ANKRD30A: variants seen among roughly 807,000 people sequenced by gnomAD.
ANKRD30A encodes ankyrin repeat domain 30A, also known as ankyrin repeat domain-containing protein 30A.
Under a neutral mutation model 166.3 loss-of-function variants are expected in ANKRD30A, and 170 were observed. The ratio of observed to expected loss-of-function variants is 1.02; its 90% CI spans 0.90 to 1.16. ANKRD30A has a LOEUF of 1.16. Ranked by LOEUF, ANKRD30A falls within the 50% of genes most tolerant of loss-of-function variation. ANKRD30A has a pLI of 0.00. For missense variants in ANKRD30A, 1,630 were observed against 1,518.0 expected (o/e 1.07, Z -1.23); for synonymous variants, 564 against 508.9 (o/e 1.11, Z -1.46).
intron 27 of ANKRD30A, 100 bp from the exon 28 acceptor site, chr10:37,197,181 T>C (rs555733068): frequency 1.3e-4 from 200 of 1,493,370 alleles, no homozygotes; most frequent in African/African-American, 3.2e-4. Context: ...CATTCTCCAA[T>C]TGGAGCAAGA....
chr10:37,165,710 T>G (rs1839272049), intron 18 of ANKRD30A, among the ~76,000 whole-genome samples: 1 of 152,138 alleles, frequency 6.6e-6, no homozygotes, highest in Admixed American at 6.6e-5. Flanking sequence ...GAGTATTGGT[T>G]GAGTAGTCTT....
chr10:37,166,546 A>T (rs1367924425), intron 18 of ANKRD30A, 59 bp from the exon 19 acceptor site: 4 of 1,414,166 alleles, frequency 2.8e-6, no homozygotes, highest in Non-Finnish European at 3.8e-6. Flanking sequence ...GGAAATTTTG[A>T]TACTCTTCAT....
chr10:37,161,463 T>A (rs1486400969), intron 15 of ANKRD30A, among the ~76,000 whole-genome samples: 1 of 152,084 alleles, frequency 6.6e-6, no homozygotes, highest in Non-Finnish European at 1.5e-5. Flanking sequence ...TGTTTTTATT[T>A]TTTATTTATT....
chr10:37,159,201 T>C (rs757048371), intron 15 of ANKRD30A, among the ~76,000 whole-genome samples: 1 of 152,188 alleles, frequency 6.6e-6, no homozygotes, highest in South Asian at 2.1e-4. Context: ...GTTTTTGCTG[T>C]CATTCCCATG....
intron 5 of ANKRD30A, among the ~76,000 whole-genome samples, chr10:37,136,286 A>G (rs1433856482): frequency 6.6e-6 from 1 of 152,200 alleles, no homozygotes. Context: ...CAACTTGTTC[A>G]AGAAAAAATA....
chr10:37,202,490 G>A lies in ANKRD30A; in HGVS notation c.2869+1165G>A, dbSNP rs189181005. Among the ~76,000 whole-genome samples, 109 of 152,300 alleles carry A rather than the reference G, an allele frequency of 7.2e-4. No homozygotes were observed. The East Asian group carries it at 0.015, about 21-fold the overall frequency. The stretch of plus-strand genomic sequence containing the variant: ...ATCTGTGGGACACATTTAAAGCAGT[G>A]TGTAGAGGGAAATTTATAGCACTAA... On this transcript the variant is annotated intron_variant, in intron 31 of 35. Coordinates refer to ENST00000361713, the MANE Select transcript of ANKRD30A (RefSeq NM_052997.3).
At chr10:37,196,555 G>A (rs954176170) in intron 27 of ANKRD30A, among the ~76,000 whole-genome samples, 6 of 152,088 alleles carry the variant, frequency 3.9e-5, no homozygotes, top group Non-Finnish European at 8.8e-5. Context: ...TGCTTTTTAA[G>A]ATAAATATTG....
chr10:37,202,445 C>G (rs949451718), intron 31 of ANKRD30A, among the ~76,000 whole-genome samples: 1 of 152,108 alleles, frequency 6.6e-6, no homozygotes, highest in African/African-American at 2.4e-5. Flanking sequence ...CCGATGAGAA[C>G]AAAGGCACCA....
At chr10:37,207,039 A>G (rs1842034156) in intron 31 of ANKRD30A, among the ~76,000 whole-genome samples, 1 of 152,116 alleles carries the variant, frequency 6.6e-6, no homozygotes, top group South Asian at 2.1e-4. Flanking sequence ...TGAGTTTTAT[A>G]TGCCCTCTTA....
rs142009612 is a variant in ANKRD30A, at chr10:37,164,805, G to A, written c.2003-289G>A. ...ATGAACAGGAAACCTAGGGCATACT[G>A]TGTTTCACAGGAGAATAGGATATGA... On this transcript the variant is annotated intron_variant, in intron 17 of 35. Transcript: ENST00000361713. Among the ~76,000 whole-genome samples, 1,421 of 152,176 alleles carry A rather than the reference G, an allele frequency of 9.3e-3. 34 individuals are homozygous for A. Among genetic ancestry groups the A allele is most frequent in the African/African-American group, 0.032 (1,344 of 41,516 alleles).
At chr10:37,129,407 A>G (rs983042026) in intron 1 of ANKRD30A, among the ~76,000 whole-genome samples, 1 of 152,214 alleles carries the variant, frequency 6.6e-6, no homozygotes, top group Non-Finnish European at 1.5e-5. Flanking sequence ...CAATGTAGTC[A>G]TAATTGTACC....
intron 29 of ANKRD30A, among the ~76,000 whole-genome samples, chr10:37,199,059 G>A (rs1477354466): frequency 6.6e-6 from 1 of 152,000 alleles, no homozygotes; most frequent in Non-Finnish European, 1.5e-5. Context: ...TTTCTCCAAG[G>A]TGTCACAAGC....
rs182034863 is a variant in ANKRD30A at position 37,162,344 on chromosome 10, C to T, written c.1901-305C>T. Among the ~76,000 whole-genome samples, 915 of 152,226 alleles carry T rather than the reference C, an allele frequency of 6.0e-3. 6 individuals carry two copies. Among genetic ancestry groups the T allele is most frequent in the Middle Eastern group, 0.024 (7 of 294 alleles). On this transcript the variant is annotated intron_variant, in intron 15 of 35. Transcript: ENST00000361713. ...TGATTCTAATGTGTTTCATTAAGTA[C>T]GTGGCGTAGCATTCCATGTTCAGCT... is the stretch of plus-strand genomic sequence containing the variant.
At chr10:37,194,974 A>G (rs1276218921) in intron 27 of ANKRD30A, among the ~76,000 whole-genome samples, 1 of 152,168 alleles carries the variant, frequency 6.6e-6, no homozygotes, top group African/African-American at 2.4e-5. Context: ...TACAACTGTT[A>G]GTTGTTAACC....
At chr10:37,210,833 ATTTG>A (rs1842267479) in intron 31 of ANKRD30A, among the ~76,000 whole-genome samples, 1 of 151,922 alleles carries the variant, frequency 6.6e-6, no homozygotes. Flanking sequence ...TTCCTTGTAA[ATTTG>A]TTTAAGTTCT....
At chr10:37,130,944 T>C (rs1178201089) in intron 3 of ANKRD30A, among the ~76,000 whole-genome samples, 1 of 152,186 alleles carries the variant, frequency 6.6e-6, no homozygotes, top group Non-Finnish European at 1.5e-5. Context: ...TTGGTAAAGA[T>C]TTCAAGGTAT....
chr10:37,128,388 G>A (rs1024506395), intron 1 of ANKRD30A, among the ~76,000 whole-genome samples: 9 of 151,732 alleles, frequency 5.9e-5, no homozygotes, highest in African/African-American at 2.2e-4. Flanking sequence ...TATTTTTTGT[G>A]GATTAGTATA....
chr10:37,192,924 C>A (rs1282479818), intron 25 of ANKRD30A, 140 bp from the exon 26 acceptor site: 3 of 1,458,818 alleles, frequency 2.1e-6, no homozygotes, highest in Non-Finnish European at 2.9e-6. Flanking sequence ...AATACAGTAA[C>A]CCAAAAGACC....
intron 17 of ANKRD30A, 133 bp from the exon 18 acceptor site, chr10:37,164,961 A>C (rs746261524): frequency 7.1e-5 from 64 of 897,372 alleles, no homozygotes; most frequent in Non-Finnish European, 9.8e-5. Context: ...TAGTCATTGT[A>C]ATCAACAAAA....
Sources: gnomAD v4.1 joint callset for allele counts (sites outside exome capture counted in the v4.1 genomes callset) on GRCh38, gnomAD v4.1.1 for gene constraint, MANE v1.5 for transcripts, NCBI Gene and HGNC (gene_info 2026-07-23, HGNC 2026-07-21) for gene names.